BLOC1S3: variants seen among roughly 807,000 people sequenced by gnomAD.
BLOC1S3 encodes the protein biogenesis of lysosome-related organelles complex 1 subunit 3.
Under a neutral mutation model 9.1 loss-of-function variants are expected in BLOC1S3, and 7 were observed. The observed-to-expected ratio is 0.77, with a 90% CI of 0.44 to 1.45. The LOEUF (loss-of-function observed/expected upper bound fraction) is 1.45, where lower values mean the gene tolerates loss of function less well. Ranked by LOEUF, BLOC1S3 falls within the 40% of genes most tolerant of loss-of-function variation. The pLI, the probability that BLOC1S3 is intolerant of heterozygous loss-of-function variation, is 0.01. For synonymous variants in BLOC1S3, 145 were observed against 158.4 expected (o/e 0.92, Z 0.64); for missense variants, 307 against 315.2 (o/e 0.97, Z 0.20).
At chr19:45,213,307 G>T in intron 3 of BLOC1S3, 1 of 1,613,738 alleles carries the variant, frequency 6.2e-7, no homozygotes, top group Non-Finnish European at 8.5e-7. Context: ...CTGGCGGGCG[G>T]CTGTGTTGCG....
At chr19:45,185,554 A>G (rs544642473), downstream of BLOC1S3, among the ~76,000 whole-genome samples, 10 of 152,216 alleles carry the variant, frequency 6.6e-5, no homozygotes, top group South Asian at 2.1e-3. Context: ...TCAAGGGGAA[A>G]GGCATTCAAG....
chr19:45,189,283 G>A (rs1861081356), intron 2 of BLOC1S3, among the ~76,000 whole-genome samples: 2 of 152,184 alleles, frequency 1.3e-5, no homozygotes, highest in South Asian at 4.1e-4. Context: ...GCCTCCCAAA[G>A]TGCTGGGATT....
chr19:45,213,893 G>A (rs1435717403), intron 3 of BLOC1S3, among the ~76,000 whole-genome samples: 2 of 151,916 alleles, frequency 1.3e-5, no homozygotes, highest in African/African-American at 4.8e-5. Flanking sequence ...GGCAGAGGTT[G>A]CAGTGAGCTG....
At chr19:45,212,025 G>GC (rs1250512083) in intron 3 of BLOC1S3, among the ~76,000 whole-genome samples, 5 of 152,046 alleles carry the variant, frequency 3.3e-5, no homozygotes, top group African/African-American at 1.2e-4. Context: ...CGCCAGCCCT[G>GC]CCCCCAACCT....
downstream of BLOC1S3, among the ~76,000 whole-genome samples, chr19:45,186,716 CA>C (rs1424559020): frequency 3.3e-5 from 5 of 151,136 alleles, no homozygotes; most frequent in African/African-American, 1.2e-4. Flanking sequence ...ACAACAACAA[CA>C]AAAAAAAAGT....
At chr19:45,208,773 C>G (rs1180534578) in intron 3 of BLOC1S3, among the ~76,000 whole-genome samples, 1 of 148,300 alleles carries the variant, frequency 6.7e-6, no homozygotes, top group Non-Finnish European at 1.5e-5. Context: ...AAAAAAAAAG[C>G]CCACAAGTAT....
chr19:45,182,433 C>T (rs186889686), downstream of BLOC1S3, among the ~76,000 whole-genome samples: 145 of 150,932 alleles, frequency 9.6e-4, no homozygotes, highest in Middle Eastern at 7.0e-3. Context: ...TTTGGGAGAT[C>T]GAGGTAGGCA....
chr19:45,190,343 A>G (rs1357946723), intron 2 of BLOC1S3, among the ~76,000 whole-genome samples: 1 of 148,784 alleles, frequency 6.7e-6, no homozygotes, highest in Non-Finnish European at 1.5e-5. Context: ...GTTTCCTCAA[A>G]ACAGACCCCT....
chr19:45,183,623 CTTTT>C (rs57651816), downstream of BLOC1S3, among the ~76,000 whole-genome samples: 28 of 105,076 alleles, frequency 2.7e-4, no homozygotes, highest in Non-Finnish European at 3.9e-4. Context: ...CTTTTCTTTT[CTTTT>C]TTTTTTTTTT....
intron 2 of BLOC1S3, among the ~76,000 whole-genome samples, chr19:45,199,648 G>A (rs1225487997): frequency 1.3e-5 from 2 of 151,336 alleles, no homozygotes; most frequent in African/African-American, 4.9e-5. Flanking sequence ...TGTCTCCTCT[G>A]GCTGTGTCTT....
intron 3 of BLOC1S3, among the ~76,000 whole-genome samples, chr19:45,214,847 TA>T (rs1969816762): frequency 6.6e-6 from 1 of 152,036 alleles, no homozygotes; most frequent in Admixed American, 6.6e-5. Context: ...GATATTTCAA[TA>T]GCTTTAATTA....
chr19:45,191,279 C>A (rs560957345), intron 2 of BLOC1S3, among the ~76,000 whole-genome samples: 1 of 151,924 alleles, frequency 6.6e-6, no homozygotes, highest in Non-Finnish European at 1.5e-5. Context: ...TGCACCACCA[C>A]GCCCAGCTAA....
chr19:45,198,349 T>C (rs1180362639), intron 2 of BLOC1S3, among the ~76,000 whole-genome samples: 5 of 152,218 alleles, frequency 3.3e-5, no homozygotes, highest in Non-Finnish European at 1.5e-5. Flanking sequence ...TGGAGTGCAG[T>C]GGTGCGAGCT....
downstream of BLOC1S3, among the ~76,000 whole-genome samples, chr19:45,185,779 G>A (rs934413642): frequency 1.3e-5 from 2 of 151,654 alleles, no homozygotes; most frequent in Non-Finnish European, 2.9e-5. Flanking sequence ...CAAGTTCCAA[G>A]CAGGAGAGAG....
chr19:45,213,507 A>C, intron 3 of BLOC1S3: 2 of 835,610 alleles, frequency 2.4e-6, no homozygotes, highest in Non-Finnish European at 3.6e-6. Context: ...CTTCCCTCCA[A>C]TCAGCTCCCT....
chr19:45,197,570 G>A (rs8102309), intron 2 of BLOC1S3, among the ~76,000 whole-genome samples: 60,393 of 151,072 alleles, frequency 0.4, 12,915 homozygotes, highest in Non-Finnish European at 0.46. Context: ...CTCCCCCTGT[G>A]ATCCTAGCAC....
Position 45,203,635 on chromosome 19 carries a change from T to A in BLOC1S3, n.282+1128T>A, listed in dbSNP as rs184962582. Among the ~76,000 whole-genome samples the A allele has an allele frequency of 2.0e-3, 303 of 152,208 alleles. 3 individuals are homozygous for A. The highest frequency in any genetic ancestry group is 6.8e-3 in the African/African-American group (282 of 41,546). On this transcript the variant is annotated intron_variant and non_coding_transcript_variant, in intron 3 of 3. Coordinates refer to the BLOC1S3 transcript ENST00000591569. The stretch of plus-strand genomic sequence containing the variant: ...GTGGCTAGGCATGCCAGAACTCAGG[T>A]TCTCACCACTAGAATAGATGATTTC...
At chr19:45,207,126 C>T (rs1375984295) in intron 3 of BLOC1S3, among the ~76,000 whole-genome samples, 3 of 151,136 alleles carry the variant, frequency 2.0e-5, no homozygotes, top group South Asian at 2.1e-4. Flanking sequence ...TGTAAGCCAC[C>T]GCGCCCAGCT....
At chr19:45,213,338 G>A (rs1288998173) in intron 3 of BLOC1S3, 2 of 1,613,410 alleles carry the variant, frequency 1.2e-6, no homozygotes, top group Non-Finnish European at 1.7e-6. Context: ...ATGTCGAGGA[G>A]GGCTGCCACG....
Sources: gnomAD v4.1 joint callset for allele counts (sites outside exome capture counted in the v4.1 genomes callset) on GRCh38, gnomAD v4.1.1 for gene constraint, MANE v1.5 for transcripts, NCBI Gene and HGNC (gene_info 2026-07-23, HGNC 2026-07-21) for gene names.